GRID2: variants seen among roughly 807,000 people sequenced by gnomAD.
The protein encoded by GRID2 is glutamate ionotropic receptor delta type subunit 2.
In GRID2, 33 loss-of-function variants were observed where a neutral mutation model predicts 114.8. The ratio of observed to expected loss-of-function variants is 0.29; its 90% CI spans 0.22 to 0.38. The LOEUF is 0.38. Ranked by LOEUF, GRID2 falls within the 10% of genes least tolerant of loss-of-function variation. The pLI is 1.00. For synonymous variants in GRID2, 505 were observed against 449.9 expected (o/e 1.12, Z -1.55); for missense variants, 1,184 against 1,257.7 (o/e 0.94, Z 0.89).
intron 1 of GRID2, among the ~76,000 whole-genome samples, chr4:92,574,124 A>G (rs1488304297): frequency 6.6e-6 from 1 of 151,384 alleles, no homozygotes; most frequent in Non-Finnish European, 1.5e-5. Context: ...TAGGATTGCA[A>G]CCCCTGCTAT....
intron 2 of GRID2, among the ~76,000 whole-genome samples, chr4:92,858,554 G>C (rs1744321108): frequency 1.3e-5 from 2 of 152,010 alleles, no homozygotes; most frequent in South Asian, 4.1e-4. Context: ...TGAGGAGTTT[G>C]TTTGTTTTTT....
At chr4:93,653,916 A>C (rs1722793951) in intron 14 of GRID2, among the ~76,000 whole-genome samples, 1 of 152,190 alleles carries the variant, frequency 6.6e-6, no homozygotes, top group Non-Finnish European at 1.5e-5. Context: ...TTTGCCATCT[A>C]TGAAATGTTC....
In GRID2 at chr4:93,184,743, G is replaced by A. The variant is rs1165943991; in HGVS notation, c.736-22661G>A. On this transcript the variant is annotated intron_variant, in intron 4 of 15. Coordinates refer to ENST00000282020, the MANE Select transcript of GRID2 (RefSeq NM_001510.4). ...CAAAAAATACAAAAATTAGCTGGGC[G>A]TGGTGGCGTGTGCCTGTAATCGCAG... Among the ~76,000 whole-genome samples, 8 of 152,126 alleles carry A rather than the reference G, an allele frequency of 5.3e-5. 1 individual carries two copies. The highest frequency in any genetic ancestry group is 2.1e-4 in the South Asian group (1 of 4,814).
intron 2 of GRID2, among the ~76,000 whole-genome samples, chr4:92,982,034 AAAAAAAAAAAAG>A (rs1419432321): frequency 2.2e-3 from 247 of 113,220 alleles, no homozygotes; most frequent in Middle Eastern, 4.3e-3. Flanking sequence ...AAAAAAAAAA[AAAAAAAAAAAAG>A]AAAAAGAAAA....
At chr4:93,594,545 AG>A (rs1190961871) in intron 13 of GRID2, among the ~76,000 whole-genome samples, 10 of 152,178 alleles carry the variant, frequency 6.6e-5, no homozygotes, top group African/African-American at 2.2e-4. Context: ...GAGCCTACAG[AG>A]GCAGGCAGGC....
chr4:93,152,060 G>A (rs1409591956), intron 4 of GRID2, among the ~76,000 whole-genome samples: 1 of 152,058 alleles, frequency 6.6e-6, no homozygotes, highest in Non-Finnish European at 1.5e-5. Context: ...TCCAAAGTAT[G>A]AAAGGAATAA....
At chr4:93,777,318 G>T (rs1461769915), downstream of GRID2, among the ~76,000 whole-genome samples, 2 of 152,128 alleles carry the variant, frequency 1.3e-5, no homozygotes, top group East Asian at 1.9e-4. Context: ...GTATTCATTT[G>T]CTTTGTTTCC....
chr4:92,584,478 A>T (rs1424172848), intron 1 of GRID2, among the ~76,000 whole-genome samples: 3 of 152,056 alleles, frequency 2.0e-5, no homozygotes, highest in African/African-American at 7.2e-5. Flanking sequence ...TCCTACTGTG[A>T]CTAATAAACT....
intron 2 of GRID2, among the ~76,000 whole-genome samples, chr4:92,656,144 G>A (rs62309207): frequency 0.052 from 7,904 of 151,590 alleles, 255 homozygotes; most frequent in East Asian, 0.1. Context: ...GTACTAACTG[G>A]TTTGCCTAGC....
rs576088295 is a variant in GRID2 at position 92,749,956 on chromosome 4, A to G, written c.244+159670A>G. The stretch of plus-strand genomic sequence containing the variant: ...GGCTGACTGCAACCTCTGCCTCCCT[A>G]GTTCCAGCAATTCTCCTGCCTCAGC... On this transcript the variant is annotated intron_variant, in intron 2 of 15. Coordinates refer to ENST00000282020, the MANE Select transcript of GRID2 (RefSeq NM_001510.4). Among the ~76,000 whole-genome samples, 4 of 151,720 alleles carry G rather than the reference A, an allele frequency of 2.6e-5. No individual in the cohort carries two copies. In the East Asian group the frequency reaches 7.8e-4, roughly 30 times the overall value.
At chr4:93,156,153 G>C (rs1255638492) in intron 4 of GRID2, among the ~76,000 whole-genome samples, 1 of 151,632 alleles carries the variant, frequency 6.6e-6, no homozygotes, top group African/African-American at 2.4e-5. Context: ...GAATAAATAT[G>C]TATGAAGTAC....
intron 8 of GRID2, among the ~76,000 whole-genome samples, chr4:93,242,375 C>T (rs1404862627): frequency 1.3e-5 from 2 of 151,984 alleles, no homozygotes; most frequent in Admixed American, 6.6e-5. Context: ...CTAATCTACA[C>T]AGTTGTGGAT....
intron 1 of GRID2, among the ~76,000 whole-genome samples, chr4:92,404,541 C>G (rs371504446): frequency 6.6e-6 from 1 of 152,052 alleles, no homozygotes; most frequent in African/African-American, 2.4e-5. Flanking sequence ...CTGATTATAC[C>G]CAAAGGAATA....
intron 12 of GRID2, among the ~76,000 whole-genome samples, chr4:93,504,674 G>A (rs1289888329): frequency 6.6e-6 from 1 of 151,956 alleles, no homozygotes. Flanking sequence ...TCTGAAATGT[G>A]GCATTAGTGT....
chr4:92,770,986 T>C (rs1280516988), intron 2 of GRID2, among the ~76,000 whole-genome samples: 1 of 150,850 alleles, frequency 6.6e-6, no homozygotes, highest in African/African-American at 2.4e-5. Context: ...TTCTGACAGA[T>C]GGCTCATGAG....
At chr4:93,664,644 G>A (rs2149742394) in intron 14 of GRID2, among the ~76,000 whole-genome samples, 1 of 152,270 alleles carries the variant, frequency 6.6e-6, no homozygotes, top group Non-Finnish European at 1.5e-5. Context: ...AATATTTTGG[G>A]GTGGGTAGGG....
chr4:93,258,045 T>TACA lies in GRID2; in HGVS notation c.1245+19556_1245+19557insCAA, dbSNP rs1414925018. On this transcript the variant is annotated intron_variant, in intron 8 of 15. Coordinates refer to ENST00000282020, the MANE Select transcript of GRID2 (RefSeq NM_001510.4). ...ACACACACAATACTGGTAATACTAA[T>TACA]ATACACAATACTGGTAATACTAATA... is the stretch of plus-strand genomic sequence containing the variant. Among the ~76,000 whole-genome samples the TACA allele has an allele frequency of 5.5e-3, 822 of 149,466 alleles. 12 individuals carry two copies. Among genetic ancestry groups the TACA allele is most frequent in the African/African-American group, 0.019 (772 of 40,718 alleles).
intron 8 of GRID2, among the ~76,000 whole-genome samples, chr4:93,330,154 C>T (rs1004687763): frequency 3.9e-5 from 6 of 152,256 alleles, no homozygotes; most frequent in Admixed American, 3.3e-4. Flanking sequence ...AACAAAAGTG[C>T]TTTCTCCTGC....
At chr4:93,680,149 C>T (rs978906538) in intron 14 of GRID2, among the ~76,000 whole-genome samples, 1 of 151,920 alleles carries the variant, frequency 6.6e-6, no homozygotes, top group Non-Finnish European at 1.5e-5. Context: ...ACTATAAACA[C>T]CTCTACACGA....
Sources: allele counts gnomAD v4.1 joint callset (sites outside exome capture counted in the v4.1 genomes callset), GRCh38; gene constraint gnomAD v4.1.1; transcripts MANE v1.5; gene names NCBI Gene and HGNC (gene_info 2026-07-23, HGNC 2026-07-21).